MAPK10: variants seen among roughly 807,000 people sequenced by gnomAD.
MAPK10 encodes mitogen-activated protein kinase 10, also known as JNK3 alpha protein kinase.
MAPK10 carries 25 observed loss-of-function variants against 59.3 expected under a neutral mutation model. The observed-to-expected ratio is 0.42, with a 90% CI of 0.31 to 0.59. The LOEUF (loss-of-function observed/expected upper bound fraction) is 0.59. Ranked by LOEUF, MAPK10 falls within the 20% of genes least tolerant of loss-of-function variation. The pLI is 0.15. For synonymous variants in MAPK10, 190 were observed against 200.5 expected (o/e 0.95, Z 0.44); for missense variants, 351 against 568.9 (o/e 0.62, Z 3.90).
At chr4:86,510,350 C>T (rs1408117868) in intron 1 of MAPK10, among the ~76,000 whole-genome samples, 1 of 151,980 alleles carries the variant, frequency 6.6e-6, no homozygotes, top group Non-Finnish European at 1.5e-5. Flanking sequence ...TGGCCTCAAG[C>T]GATTATCCCA....
intron 3 of MAPK10, among the ~76,000 whole-genome samples, chr4:86,181,963 A>G (rs2077022088): frequency 6.6e-6 from 1 of 152,144 alleles, no homozygotes. Flanking sequence ...ATAGAGTGAA[A>G]TGTAACAGTT....
chr4:86,199,495 T>C (rs985074954), intron 2 of MAPK10, among the ~76,000 whole-genome samples: 1 of 152,002 alleles, frequency 6.6e-6, no homozygotes, highest in African/African-American at 2.4e-5. Context: ...ATTGCTTTAG[T>C]ATGATAAAAC....
chr4:86,163,969 C>A (rs1276450022), intron 3 of MAPK10, among the ~76,000 whole-genome samples: 2 of 152,090 alleles, frequency 1.3e-5, no homozygotes, highest in East Asian at 3.9e-4. Flanking sequence ...GTGTCCAAAG[C>A]TTTGATTGCA....
At chr4:86,463,435 A>G (rs187125408) in intron 1 of MAPK10, among the ~76,000 whole-genome samples, 20 of 152,350 alleles carry the variant, frequency 1.3e-4, no homozygotes, top group African/African-American at 4.1e-4. Flanking sequence ...ACCTACTCGT[A>G]AAAAATTTTC....
chr4:86,481,336 C>T (rs1753597532), intron 1 of MAPK10, among the ~76,000 whole-genome samples: 1 of 151,638 alleles, frequency 6.6e-6, no homozygotes, highest in Non-Finnish European at 1.5e-5. Flanking sequence ...GTTTAAGGCA[C>T]CAATCAGCAT....
At chr4:86,590,911 CATT>C (rs1278354965) in intron 1 of MAPK10, among the ~76,000 whole-genome samples, 1 of 152,046 alleles carries the variant, frequency 6.6e-6, no homozygotes, top group East Asian at 1.9e-4. Flanking sequence ...TTATTTCAAA[CATT>C]GTTATTTCTC....
chr4:86,079,742 T>C (rs1358512210), intron 9 of MAPK10: 1 of 152,216 alleles, frequency 6.6e-6, no homozygotes, highest in African/African-American at 2.4e-5. Flanking sequence ...CACTGTACTC[T>C]GTTCTGTAAG....
At chr4:86,488,068 GT>G (rs1754150430) in intron 1 of MAPK10, among the ~76,000 whole-genome samples, 1 of 152,112 alleles carries the variant, frequency 6.6e-6, no homozygotes. Flanking sequence ...AATGAGGCAA[GT>G]TTTTCCCTCA....
At chr4:86,472,161 T>C (rs1375703689) in intron 1 of MAPK10, among the ~76,000 whole-genome samples, 1 of 152,156 alleles carries the variant, frequency 6.6e-6, no homozygotes, top group Non-Finnish European at 1.5e-5. Flanking sequence ...AAATAAAACA[T>C]TGAGAAGCAC....
chr4:86,356,412 G>A (rs1353279384), intron 1 of MAPK10: 1 of 382,518 alleles, frequency 2.6e-6, no homozygotes, highest in African/African-American at 2.2e-5. Context: ...TATGTGTGAG[G>A]TCTACTTTTT....
intron 10 of MAPK10, among the ~76,000 whole-genome samples, chr4:86,067,218 T>C (rs1355554846): frequency 6.6e-6 from 1 of 152,172 alleles, no homozygotes; most frequent in Admixed American, 6.5e-5. Flanking sequence ...CTCGGCTCAC[T>C]GCAACCTCTT....
chr4:86,187,866 CCA>C (rs1562872534), intron 3 of MAPK10, among the ~76,000 whole-genome samples: 7 of 152,022 alleles, frequency 4.6e-5, no homozygotes, highest in Non-Finnish European at 7.4e-5. Flanking sequence ...TTTGCTGCAC[CCA>C]TCAATCTGTC....
At chr4:86,287,076 T>G (rs2095042411) in intron 2 of MAPK10, among the ~76,000 whole-genome samples, 2 of 152,180 alleles carry the variant, frequency 1.3e-5, no homozygotes, top group Non-Finnish European at 2.9e-5. Context: ...CAGAATGATT[T>G]GCTTGAGGTG....
chr4:86,581,915 A>ATATATATATAT (rs1762324062), intron 1 of MAPK10, among the ~76,000 whole-genome samples: 1 of 35,298 alleles, frequency 2.8e-5, no homozygotes, highest in Non-Finnish European at 7.8e-5. Flanking sequence ...ATATATATAT[A>ATATATATATAT]TATATATATA....
chr4:86,029,084 ATATT>A (rs1751835138), intron 13 of MAPK10, 109 bp downstream of exon 13: 1 of 777,680 alleles, frequency 1.3e-6, no homozygotes, highest in East Asian at 2.4e-5. Context: ...CAACCATGTG[ATATT>A]TGTCCATCTG....
At chr4:86,086,777 C>A (rs994870185) in intron 9 of MAPK10, among the ~76,000 whole-genome samples, 2 of 151,914 alleles carry the variant, frequency 1.3e-5, no homozygotes, top group African/African-American at 4.8e-5. Flanking sequence ...TAACTCATTT[C>A]TAATAACAGA....
chr4:86,166,869 C>A (rs2071910316), intron 3 of MAPK10, among the ~76,000 whole-genome samples: 1 of 151,706 alleles, frequency 6.6e-6, no homozygotes, highest in South Asian at 2.1e-4. Context: ...AAGAAATAAC[C>A]AAGATCAGAG....
chr4:86,165,517 T>G (rs1209324452), intron 3 of MAPK10, among the ~76,000 whole-genome samples: 1 of 146,734 alleles, frequency 6.8e-6, no homozygotes, highest in Non-Finnish European at 1.5e-5. Flanking sequence ...GCTGATACTA[T>G]AGGCACATGC....
intron 1 of MAPK10, among the ~76,000 whole-genome samples, chr4:86,515,549 C>CT (rs1249479371): frequency 2.6e-5 from 4 of 152,110 alleles, no homozygotes; most frequent in Non-Finnish European, 5.9e-5. Context: ...AAAGTGGTAT[C>CT]ACACTGTGGT....
Sources: allele counts gnomAD v4.1 joint callset (sites outside exome capture counted in the v4.1 genomes callset), GRCh38; gene constraint gnomAD v4.1.1; transcripts MANE v1.5; gene names NCBI Gene and HGNC (gene_info 2026-07-23, HGNC 2026-07-21).